The following OPCML variants were observed in gnomAD, a reference collection of about 807,000 sequenced individuals.
OPCML encodes opioid-binding protein/cell adhesion molecule.
OPCML carries 13 observed loss-of-function variants against 37.8 expected under a neutral mutation model. That is an observed-to-expected ratio of 0.34 (90% CI 0.22 to 0.55). The LOEUF is 0.55. Among genes scored for constraint, OPCML ranks in the 20% least tolerant of loss-of-function variants. OPCML has a pLI of 0.91. For missense variants in OPCML, 341 were observed against 435.6 expected, an observed-to-expected ratio of 0.78 and a Z score of 1.93; for synonymous variants, 176 against 168.8, an observed-to-expected ratio of 1.04 and a Z score of -0.33.
intron 1 of OPCML, among the ~76,000 whole-genome samples, chr11:133,415,229 G>A (rs1329762614): frequency 2.0e-5 from 3 of 152,056 alleles, no homozygotes; most frequent in Non-Finnish European, 4.4e-5. Flanking sequence ...CTAACATGGT[G>A]AAACCCAGTC....
At chr11:132,993,904 G>A (rs1291891375) in intron 1 of OPCML, among the ~76,000 whole-genome samples, 4 of 151,936 alleles carry the variant, frequency 2.6e-5, no homozygotes, top group African/African-American at 4.8e-5. Flanking sequence ...GCAAAGGGAA[G>A]GAAAAAAAGA....
chr11:132,462,086 G>T (rs2096104082), intron 4 of OPCML, among the ~76,000 whole-genome samples: 2 of 152,182 alleles, frequency 1.3e-5, no homozygotes, highest in South Asian at 4.1e-4. Flanking sequence ...CCAGTCTTGT[G>T]AGTCTGAGCA....
chr11:132,847,115 C>G (rs942338503), intron 2 of OPCML, among the ~76,000 whole-genome samples: 4 of 152,142 alleles, frequency 2.6e-5, no homozygotes, highest in Non-Finnish European at 5.9e-5. Context: ...CTCTCAGAAT[C>G]TGAGGGTAAG....
intron 1 of OPCML, among the ~76,000 whole-genome samples, chr11:133,446,560 G>A (rs1946478171): frequency 6.6e-6 from 1 of 152,166 alleles, no homozygotes; most frequent in African/African-American, 2.4e-5. Context: ...GAGTTGCTGG[G>A]ACTATAGGCG....
chr11:132,750,489 G>A (rs1175893974), intron 2 of OPCML, among the ~76,000 whole-genome samples: 1 of 152,152 alleles, frequency 6.6e-6, no homozygotes, highest in African/African-American at 2.4e-5. Flanking sequence ...ACTTGTCTTG[G>A]TAGGTATGGT....
chr11:133,516,695 G>A (rs11223493), intron 1 of OPCML, among the ~76,000 whole-genome samples: 32,088 of 152,048 alleles, frequency 0.21, 3,887 homozygotes, highest in Admixed American at 0.33. Context: ...AGCCGGTGCA[G>A]AGCCGGGACA....
intron 1 of OPCML, among the ~76,000 whole-genome samples, chr11:133,354,314 A>AGTGGTGGTGATAGTGATG (rs1944229409): frequency 1.2e-4 from 1 of 8,554 alleles, no homozygotes; most frequent in Non-Finnish European, 2.7e-4. Flanking sequence ...ACGTGTTGGT[A>AGTGGTGGTGATAGTGATG]GTGGTGGTGG....
At chr11:133,280,289 T>C (rs1038337239) in intron 1 of OPCML, among the ~76,000 whole-genome samples, 1 of 152,234 alleles carries the variant, frequency 6.6e-6, no homozygotes, top group Non-Finnish European at 1.5e-5. Flanking sequence ...TGCATGATCT[T>C]AGAAGTATTT....
intron 1 of OPCML, among the ~76,000 whole-genome samples, chr11:132,947,819 C>A (rs531812429): frequency 1.3e-5 from 2 of 152,282 alleles, no homozygotes; most frequent in East Asian, 3.9e-4. Flanking sequence ...TATCCCTTAT[C>A]AGAAATGCTT....
intron 1 of OPCML, among the ~76,000 whole-genome samples, chr11:133,396,952 C>T (rs1267214688): frequency 2.0e-5 from 3 of 152,196 alleles, no homozygotes. Flanking sequence ...ATTGGTTTGG[C>T]CCCTATTCAG....
chr11:133,416,582 C>G lies in OPCML; in HGVS notation c.61+115682G>C, dbSNP rs149005471. On this transcript the variant is annotated intron_variant, in intron 1 of 7. Coordinates refer to ENST00000524381, the MANE Select transcript of OPCML (RefSeq NM_001012393.5). The stretch of plus-strand genomic sequence containing the variant: ...CAGGTGACTGTCCTTGTTCATCTGA[C>G]ATCTGACCATGAGCTCCTTGAGAAC... 2.4e-3 allele frequency among the ~76,000 whole-genome samples: 361 copies of G among 152,352 alleles called. 2 individuals are homozygous for G. Among genetic ancestry groups the G allele is most frequent in the African/African-American group, 8.2e-3 (342 of 41,590 alleles).
intron 3 of OPCML, among the ~76,000 whole-genome samples, chr11:132,538,896 C>G (rs961225823): frequency 3.3e-5 from 5 of 152,172 alleles, no homozygotes; most frequent in Non-Finnish European, 7.3e-5. Flanking sequence ...CCATATTCCC[C>G]ATTCATCCAT....
intron 1 of OPCML, among the ~76,000 whole-genome samples, chr11:133,530,576 G>A (rs1359132353): frequency 6.6e-6 from 1 of 152,214 alleles, no homozygotes; most frequent in Non-Finnish European, 1.5e-5. Flanking sequence ...CCAGGCTCAG[G>A]CAGGTACTGA....
chr11:133,256,603 G>T (rs962004238), intron 1 of OPCML, among the ~76,000 whole-genome samples: 6 of 152,054 alleles, frequency 3.9e-5, no homozygotes, highest in African/African-American at 1.4e-4. Flanking sequence ...ATATGTGGTG[G>T]GATTATTTTA....
intron 1 of OPCML, among the ~76,000 whole-genome samples, chr11:133,036,406 T>C (rs1190539144): frequency 6.6e-6 from 1 of 152,262 alleles, no homozygotes; most frequent in Non-Finnish European, 1.5e-5. Flanking sequence ...TTAAATTTTA[T>C]TGTTAGCATT....
At chr11:132,853,471 A>G (rs546098838) in intron 2 of OPCML, among the ~76,000 whole-genome samples, 31 of 152,344 alleles carry the variant, frequency 2.0e-4, no homozygotes, top group African/African-American at 6.0e-4. Context: ...TAAAACAGAC[A>G]TGCCATAAAA....
At chr11:132,962,272 A>G (rs1474198743) in intron 1 of OPCML, among the ~76,000 whole-genome samples, 1 of 152,212 alleles carries the variant, frequency 6.6e-6, no homozygotes, top group Non-Finnish European at 1.5e-5. Context: ...AAAGCACAGC[A>G]CAGAAACCAG....
At chr11:132,804,862 C>G (rs922760245) in intron 2 of OPCML, among the ~76,000 whole-genome samples, 43 of 151,994 alleles carry the variant, frequency 2.8e-4, no homozygotes, top group African/African-American at 1.0e-3. Flanking sequence ...TGCCAATATT[C>G]AACAAAAAAT....
At chr11:132,555,549 G>T (rs2096393484) in intron 3 of OPCML, among the ~76,000 whole-genome samples, 1 of 152,014 alleles carries the variant, frequency 6.6e-6, no homozygotes, top group Non-Finnish European at 1.5e-5. Flanking sequence ...GATTTGGGTG[G>T]GGTCATAGCC....
Sources: allele counts gnomAD v4.1 joint callset (sites outside exome capture counted in the v4.1 genomes callset), GRCh38; gene constraint gnomAD v4.1.1; transcripts MANE v1.5; gene names NCBI Gene and HGNC (gene_info 2026-07-23, HGNC 2026-07-21).